Variants in PRKCZ observed in about 807,000 individuals in gnomAD.
PRKCZ encodes protein kinase C zeta type.
A neutral mutation model predicts 79.5 loss-of-function variants in PRKCZ; 33 were observed. The ratio of observed to expected loss-of-function variants is 0.41; its 90% CI spans 0.31 to 0.55. The LOEUF is 0.55. Among genes scored for constraint, PRKCZ ranks in the 20% least tolerant of loss-of-function variants. The pLI is 0.19. For synonymous variants in PRKCZ, 342 were observed against 320.9 expected, an observed-to-expected ratio of 1.07 and a Z score of -0.70; for missense variants, 578 against 813.5, an observed-to-expected ratio of 0.71 and a Z score of 3.52.
intron 16 of PRKCZ, among the ~76,000 whole-genome samples, chr1:2,179,081 A>C (rs1227264036): frequency 6.6e-6 from 1 of 152,164 alleles, no homozygotes; most frequent in Non-Finnish European, 1.5e-5. Flanking sequence ...GAAGAGAGGC[A>C]GTGTGTGTGC....
chr1:2,071,337 G>C (rs1403657695), intron 4 of PRKCZ: 1 of 471,476 alleles, frequency 2.1e-6, no homozygotes, highest in Non-Finnish European at 4.2e-6. Flanking sequence ...CACCGAGTGT[G>C]TTCCAGGCCC....
chr1:2,051,239 C>T (rs1204261981), intron 1 of PRKCZ, among the ~76,000 whole-genome samples: 1 of 151,872 alleles, frequency 6.6e-6, no homozygotes, highest in African/African-American at 2.4e-5. Flanking sequence ...GAGACTGACC[C>T]TGGGGTTTGC....
chr1:2,144,334 A>G lies in PRKCZ; in HGVS notation c.545A>G (p.Lys182Arg). The G allele has an allele frequency of 6.4e-7, 1 of 1,572,580 alleles. No individual in the cohort carries two copies. Among genetic ancestry groups the G allele is most frequent in the Non-Finnish European group, 8.6e-7 (1 of 1,158,508 alleles). The change falls in exon 6 of 18, where the codon AAG becomes AGG. Residue 182 changes from lysine to arginine, a missense_variant. Physicochemically the swap from Lys to Arg is conservative, Grantham distance 26 (BLOSUM62 2). Transcript: ENST00000378567. ...CHGLVPLTCR[K>R]HMDSVMPSQE... ...GGCCTCGTCCCGCTGACCTGCAGGA[A>G]GCATATGGTGAGTGGCAGGGCTGGG...
At chr1:2,077,975 C>T (rs1431735542) in intron 4 of PRKCZ, among the ~76,000 whole-genome samples, 1 of 152,242 alleles carries the variant, frequency 6.6e-6, no homozygotes, top group Non-Finnish European at 1.5e-5. Context: ...TTTTGGGTTT[C>T]CTTGGAGTTA....
intron 4 of PRKCZ, among the ~76,000 whole-genome samples, chr1:2,081,929 C>T (rs1015413793): frequency 1.2e-4 from 18 of 152,228 alleles, no homozygotes; most frequent in African/African-American, 4.1e-4. Flanking sequence ...GCGGCACCAT[C>T]GCTGGCCCCT....
chr1:2,114,602 A>C (rs1670370638), intron 4 of PRKCZ, among the ~76,000 whole-genome samples: 1 of 152,072 alleles, frequency 6.6e-6, no homozygotes, highest in Non-Finnish European at 1.5e-5. Flanking sequence ...GGTGAAATCC[A>C]GTCTCTACTA....
chr1:2,164,858 G>T (rs1298218201), intron 10 of PRKCZ, among the ~76,000 whole-genome samples: 3 of 152,148 alleles, frequency 2.0e-5, no homozygotes, highest in South Asian at 4.1e-4. Context: ...CCCTGCCGAG[G>T]CTGGGTGTTC....
intron 7 of PRKCZ, among the ~76,000 whole-genome samples, chr1:2,146,737 C>A (rs1678616082): frequency 1.3e-5 from 2 of 152,142 alleles, no homozygotes; most frequent in Admixed American, 6.5e-5. Flanking sequence ...ATTGGGAGAC[C>A]ACAGAACATA....
At chr1:2,117,289 C>G (rs974320876) in intron 4 of PRKCZ, among the ~76,000 whole-genome samples, 3 of 152,032 alleles carry the variant, frequency 2.0e-5, no homozygotes, top group Non-Finnish European at 2.9e-5. Flanking sequence ...TTGTGTGTAG[C>G]GGTCATCCAC....
chr1:2,089,669 C>T lies in PRKCZ; in HGVS notation c.334+30078C>T, dbSNP rs575825955. Among the ~76,000 whole-genome samples the T allele has an allele frequency of 1.8e-3, 274 of 152,252 alleles. 2 individuals carry two copies. Among genetic ancestry groups the T allele is most frequent in the African/African-American group, 5.8e-3 (239 of 41,554 alleles). Reference sequence around the variant, plus strand: ...CCACCTCTCAAAGGCCTCCTGACACCGTCGCCTGTGGGTGAGGATTTCAGC... The same window carrying T: ...CCACCTCTCAAAGGCCTCCTGACACTGTCGCCTGTGGGTGAGGATTTCAGC... On this transcript the variant is annotated intron_variant, in intron 4 of 17. Coordinates refer to ENST00000378567, the MANE Select transcript of PRKCZ (RefSeq NM_002744.6).
intron 4 of PRKCZ, among the ~76,000 whole-genome samples, chr1:2,079,078 G>T (rs1043814295): frequency 2.6e-5 from 4 of 152,202 alleles, no homozygotes; most frequent in Admixed American, 2.6e-4. Context: ...TTCTGACCTT[G>T]TGATCCGCCC....
At chr1:2,161,776 G>A (rs1051102320) in intron 10 of PRKCZ, among the ~76,000 whole-genome samples, 7 of 152,072 alleles carry the variant, frequency 4.6e-5, no homozygotes, top group African/African-American at 1.7e-4. Flanking sequence ...AGACCCGAAC[G>A]TCCCATGCCA....
At chr1:2,097,657 C>T (rs1045168379) in intron 4 of PRKCZ, among the ~76,000 whole-genome samples, 1 of 152,088 alleles carries the variant, frequency 6.6e-6, no homozygotes, top group Non-Finnish European at 1.5e-5. Context: ...GCCCATGCAC[C>T]CCGGAAGGCA....
At chr1:2,048,708 C>CT (rs1408878758), upstream of PRKCZ, among the ~76,000 whole-genome samples, 1 of 152,136 alleles carries the variant, frequency 6.6e-6, no homozygotes, top group Non-Finnish European at 1.5e-5. Context: ...GGGGGCCCAT[C>CT]TGAGCTGGGG....
intron 4 of PRKCZ, among the ~76,000 whole-genome samples, chr1:2,132,385 A>C (rs952420451): frequency 6.6e-6 from 1 of 152,202 alleles, no homozygotes; most frequent in African/African-American, 2.4e-5. Context: ...ACGGAGCAGC[A>C]GTGGGGCTGC....
In PRKCZ at chr1:2,056,499, T is replaced by G. The variant is rs754975176; in HGVS notation, c.209T>G (p.Val70Gly). ...CCCCACCCAGGTGACCCTTGCACGG[T>G]GTCCTCCCAGATGGAGCTGGAAGAG... ...WVDSEGDPCTVSSQMELEEAF... is the reference protein window; with the variant it reads ...WVDSEGDPCTGSSQMELEEAF... The change falls in exon 3 of 18, where the codon GTG becomes GGG. Residue 70 changes from valine to glycine, a missense_variant. Around this residue, in one of 4 missense-constraint regions of PRKCZ, gnomAD observed 228 missense variants for 211.6 expected, o/e 1.08. Coordinates refer to ENST00000378567, the MANE Select transcript of PRKCZ (RefSeq NM_002744.6). 4 of 1,613,838 alleles carry G rather than the reference T, an allele frequency of 2.5e-6. No homozygotes were observed. In the South Asian group the frequency reaches 4.4e-5, roughly 18 times the overall value.
intron 5 of PRKCZ, among the ~76,000 whole-genome samples, chr1:2,139,378 A>G (rs1676862004): frequency 6.6e-6 from 1 of 152,130 alleles, no homozygotes; most frequent in Non-Finnish European, 1.5e-5. Flanking sequence ...TCACGAGGTC[A>G]GCAGTTCAAG....
chr1:2,158,544 G>A (rs952008201), intron 10 of PRKCZ, among the ~76,000 whole-genome samples: 9 of 152,094 alleles, frequency 5.9e-5, no homozygotes, highest in African/African-American at 1.5e-4. Context: ...GCCTCTTTCC[G>A]CCCTGACTGC....
chr1:2,068,507 C>T (rs1382052474), intron 4 of PRKCZ, among the ~76,000 whole-genome samples: 2 of 152,262 alleles, frequency 1.3e-5, no homozygotes, highest in African/African-American at 2.4e-5. Context: ...CACCGGTGGT[C>T]GGCTTTGGGG....
Sources: gnomAD v4.1 joint callset for allele counts (sites outside exome capture counted in the v4.1 genomes callset) on GRCh38, gnomAD v4.1.1 for gene constraint, gnomAD v4.1.1 regional missense constraint, MANE v1.5 for transcripts, NCBI Gene and HGNC (gene_info 2026-07-23, HGNC 2026-07-21) for gene names.